The following PTPRA variants were observed in gnomAD, a reference collection of about 807,000 sequenced individuals.
PTPRA encodes receptor-type tyrosine-protein phosphatase alpha.
A neutral mutation model predicts 104.8 loss-of-function variants in PTPRA; 25 were observed. That is an observed-to-expected ratio of 0.24 (90% CI 0.17 to 0.33). PTPRA has a LOEUF of 0.33. PTPRA is among the 10% of genes least tolerant of loss of function. The probability of loss-of-function intolerance (pLI) is 1.00; values close to 1 mark genes in which losing one functional copy is unlikely to be tolerated. For synonymous variants in PTPRA, 323 were observed against 368.9 expected (o/e 0.88, Z 1.43); for missense variants, 765 against 1,015.3 (o/e 0.75, Z 3.35).
chr20:2,916,619 G>A (rs145824583), intron 1 of PTPRA, among the ~76,000 whole-genome samples: 1 of 152,232 alleles, frequency 6.6e-6, no homozygotes, highest in African/African-American at 2.4e-5. Context: ...GCAGAAAGAT[G>A]GCTTGAGCTC....
intron 1 of PTPRA, among the ~76,000 whole-genome samples, chr20:2,878,435 C>T (rs2089866136): frequency 6.6e-6 from 1 of 152,162 alleles, no homozygotes; most frequent in African/African-American, 2.4e-5. Flanking sequence ...GTCTTGAACT[C>T]CTGGACTCAA....
intron 19 of PTPRA, among the ~76,000 whole-genome samples, 178 bp downstream of exon 19, chr20:3,027,375 CA>C (rs1298252199): frequency 6.6e-6 from 1 of 151,800 alleles, no homozygotes; most frequent in East Asian, 1.9e-4. Context: ...CTCCATAGAG[CA>C]GAAGGTGGGG....
At position 2,873,786 on chromosome 20, in the gene PTPRA, G is replaced by A. The variant is rs898931613; in HGVS notation, c.-129+26G>A. On this transcript the variant is annotated intron_variant, in intron 1 of 23. Transcript: ENST00000399903. The surrounding 1 kb of genome is among the most constrained non-coding windows in gnomAD (Gnocchi z 4.4). ...GTGAGTGTTCGCGGCCGCTGCGCCC[G>A]GGTGGGCTCCGGAAGGGGGAGCGGC... 6.6e-6 allele frequency: 1 copy of A among 152,134 alleles called. No individual in the cohort carries two copies. The highest frequency in any genetic ancestry group is 2.4e-5 in the African/African-American group (1 of 41,444). 9.4% of individuals were successfully genotyped at this position (152,134 alleles called of 1,614,324 possible). A position where few individuals can be genotyped will look rare whatever the true frequency, so the allele number is the denominator to read the frequency against.
Position 2,929,563 on chromosome 20 carries a change from G to T in PTPRA, c.-50+6278G>T, listed in dbSNP as rs147527090. 7.3e-3 allele frequency among the ~76,000 whole-genome samples: 1,109 copies of T among 152,274 alleles called. 6 individuals are homozygous for T. The highest frequency in any genetic ancestry group is 0.02 in the Middle Eastern group (6 of 294). ...TTAAAGACCGGGCATGGTAGCTCAT[G>T]TTTGTAATCTTAGTACTTTGGGTGG... is the stretch of plus-strand genomic sequence containing the variant. On this transcript the variant is annotated intron_variant, in intron 2 of 23. Coordinates refer to ENST00000399903, the MANE Select transcript of PTPRA (RefSeq NM_001385305.1).
At chr20:2,933,810 A>G (rs1244251928) in intron 2 of PTPRA, among the ~76,000 whole-genome samples, 1 of 151,628 alleles carries the variant, frequency 6.6e-6, no homozygotes, top group African/African-American at 2.4e-5. Flanking sequence ...TCTTATTTTG[A>G]TTTATTTTCA....
chr20:2,916,132 T>A (rs536700067), intron 1 of PTPRA, among the ~76,000 whole-genome samples: 1 of 152,210 alleles, frequency 6.6e-6, no homozygotes, highest in East Asian at 1.9e-4. Context: ...CTTGACCTCC[T>A]GGGCTCAAGC....
intron 1 of PTPRA, among the ~76,000 whole-genome samples, chr20:2,916,026 C>T (rs1003388259): frequency 1.3e-4 from 20 of 151,918 alleles, no homozygotes; most frequent in African/African-American, 3.6e-4. Flanking sequence ...GTTTTTAATC[C>T]ACTTTGATTT....
intron 10 of PTPRA, 86 bp from the exon 11 acceptor site, chr20:3,007,258 A>G (rs1600243823): frequency 7.6e-7 from 1 of 1,312,210 alleles, no homozygotes; most frequent in Non-Finnish European, 1.1e-6. Context: ...GCACATAGGC[A>G]CAGATGTCTC....
chr20:2,865,711 G>A, the PTPRA span, among the ~76,000 whole-genome samples: 1 of 152,222 alleles, frequency 6.6e-6, no homozygotes, highest in African/African-American at 2.4e-5. This position sits in a 1 kb window ranked among gnomAD's most constrained non-coding sequence, Gnocchi z 5.2. Context: ...GATGTTACGG[G>A]GAGAGAGAAT....
At position 2,909,873 on chromosome 20, in the gene PTPRA, TA is replaced by T. The variant is rs1347966357; in HGVS notation, c.-128-13330del. The stretch of plus-strand genomic sequence containing the variant: ...GATAATATATATTATATAATATAAT[TA>T]AAATATATTAATTATAATATATAAT... On this transcript the variant is annotated intron_variant, in intron 1 of 23. Coordinates refer to ENST00000399903, the MANE Select transcript of PTPRA (RefSeq NM_001385305.1). 3.8e-5 allele frequency among the ~76,000 whole-genome samples: 5 copies of T among 132,026 alleles called. No individual in the cohort carries two copies. In the South Asian group the frequency reaches 8.8e-4, roughly 23 times the overall value. The allele number at this position is 132,026 out of a possible 152,430, so 86.6% of individuals were successfully genotyped here.
chr20:2,899,373 A>G (rs1168906096), intron 1 of PTPRA, among the ~76,000 whole-genome samples: 2 of 152,256 alleles, frequency 1.3e-5, no homozygotes. Flanking sequence ...CAGGCGCACC[A>G]TACTATGCAG....
rs555133970 is a variant in PTPRA, at chr20:2,974,514, C to A, written c.416-701C>A. 7.2e-5 allele frequency among the ~76,000 whole-genome samples: 11 copies of A among 151,876 alleles called. No individual in the cohort carries two copies. The South Asian group carries it at 2.1e-3, about 29-fold the overall frequency. ...TGATCTCGGCTCACTGCAACCTCCCCCTCCTGGGTTCAAGTGATTCTCGTG... is the reference window on the plus strand; with the variant it reads ...TGATCTCGGCTCACTGCAACCTCCCACTCCTGGGTTCAAGTGATTCTCGTG... On this transcript the variant is annotated intron_variant, in intron 5 of 23. Coordinates refer to ENST00000399903, the MANE Select transcript of PTPRA (RefSeq NM_001385305.1).
chr20:2,868,486 G>T (rs1443114806), upstream of PTPRA, among the ~76,000 whole-genome samples: 1 of 151,532 alleles, frequency 6.6e-6, no homozygotes, highest in Non-Finnish European at 1.5e-5. Flanking sequence ...CTGATAGGGA[G>T]TAGCAAAGTT....
Position 3,017,551 on chromosome 20 carries a change from A to G in PTPRA, c.944-265A>G, listed in dbSNP as rs541112025. Reference sequence around the variant, plus strand: ...TCATGATTTCTAATTCCCAACTGTAATATCCTTGGGAGACATCATTCGTGT... The same window carrying G: ...TCATGATTTCTAATTCCCAACTGTAGTATCCTTGGGAGACATCATTCGTGT... On this transcript the variant is annotated intron_variant, in intron 12 of 23. Transcript: ENST00000399903. 1.2e-4 allele frequency among the ~76,000 whole-genome samples: 19 copies of G among 152,294 alleles called. No individual in the cohort carries two copies. The South Asian group carries it at 3.7e-3, about 30-fold the overall frequency.
chr20:3,031,430 C>G (rs2065449769), intron 20 of PTPRA, among the ~76,000 whole-genome samples: 1 of 152,068 alleles, frequency 6.6e-6, no homozygotes, highest in Non-Finnish European at 1.5e-5. Flanking sequence ...CCCTCACCCA[C>G]TGATGACTTT....
At chr20:2,908,806 G>C (rs1171695137) in intron 1 of PTPRA, among the ~76,000 whole-genome samples, 1 of 152,080 alleles carries the variant, frequency 6.6e-6, no homozygotes, top group Non-Finnish European at 1.5e-5. Flanking sequence ...CGACATGATG[G>C]TTATGCACTA....
intron 11 of PTPRA, among the ~76,000 whole-genome samples, chr20:3,013,017 A>T (rs1010806427): frequency 6.6e-6 from 1 of 152,198 alleles, no homozygotes; most frequent in African/African-American, 2.4e-5. Context: ...ACTGCAGCCC[A>T]TCACCAATTT....
intron 3 of PTPRA, among the ~76,000 whole-genome samples, chr20:2,959,678 C>T (rs770126416): frequency 2.0e-5 from 3 of 152,104 alleles, no homozygotes; most frequent in Admixed American, 6.6e-5. Context: ...TCCGGCCAGG[C>T]GCGGTGGCTC....
chr20:3,005,983 C>CA lies in PTPRA; in HGVS notation c.829+849dup, dbSNP rs1010820300. Among the ~76,000 whole-genome samples the CA allele has an allele frequency of 5.2e-3, 721 of 137,568 alleles. 1 individual carries two copies. Among genetic ancestry groups the CA allele is most frequent in the African/African-American group, 0.015 (560 of 37,884 alleles). The allele number at this position is 137,568 out of a possible 152,430, so 90.2% of individuals were successfully genotyped here. A position where few individuals can be genotyped will look rare whatever the true frequency, so the allele number is the denominator to read the frequency against. On this transcript the variant is annotated intron_variant, in intron 10 of 23. Coordinates refer to ENST00000399903, the MANE Select transcript of PTPRA (RefSeq NM_001385305.1). ...TCACTTGATTTTTATATTTGCTTTT[C>CA]AAAAAAAAAAAATTCCTAATCCTCA...
Sources: gnomAD v4.1 joint callset for allele counts (sites outside exome capture counted in the v4.1 genomes callset) on GRCh38, gnomAD v4.1.1 for gene constraint, Gnocchi (gnomAD v3.1) non-coding constraint, MANE v1.5 for transcripts, NCBI Gene and HGNC (gene_info 2026-07-23, HGNC 2026-07-21) for gene names.